Variants in CHRD observed in about 807,000 individuals in gnomAD.
CHRD encodes chordin.
In CHRD, 69 loss-of-function variants were observed where a neutral mutation model predicts 113.7. The observed-to-expected ratio is 0.61, with a 90% CI of 0.50 to 0.74. The LOEUF is 0.74. Ranked by LOEUF, CHRD falls within the 30% of genes least tolerant of loss-of-function variation. The pLI is 0.00. For missense variants in CHRD, 1,194 were observed against 1,295.8 expected, an observed-to-expected ratio of 0.92 and a Z score of 1.21; for synonymous variants, 561 against 540.8, an observed-to-expected ratio of 1.04 and a Z score of -0.52.
chr3:184,383,382 C>A, exon 11 of CHRD: 1 of 1,614,026 alleles, frequency 6.2e-7, no homozygotes, highest in South Asian at 1.1e-5. Flanking sequence ...GCTCAGCCAG[C>A]CTCACGCTGC....
rs1716479644 is a variant in CHRD at position 184,387,275 on chromosome 3, G to A, written c.2348-99G>A. On this transcript the variant is annotated intron_variant, in intron 18 of 22. Coordinates refer to ENST00000204604, the Ensembl canonical transcript of CHRD. This position sits in a 1 kb window ranked among gnomAD's most constrained non-coding sequence, Gnocchi z 6.1. ...GTTACTGGCCCCCAGGTGGGCCCTTGGCTTAGGCTCGTGTGGGGGTGGCCT... is the reference window on the plus strand; with the variant it reads ...GTTACTGGCCCCCAGGTGGGCCCTTAGCTTAGGCTCGTGTGGGGGTGGCCT... 1 of 1,430,514 alleles carries A rather than the reference G, an allele frequency of 7.0e-7. No homozygotes were observed. The highest frequency in any genetic ancestry group is 1.4e-5 in the African/African-American group (1 of 70,712). 88.6% of individuals were successfully genotyped at this position (1,430,514 alleles called of 1,614,324 possible).
chr3:184,387,440 C>T lies in CHRD; in HGVS notation c.2414C>T (p.Pro805Leu), dbSNP rs1716508226. 1 of 1,612,684 alleles carries T rather than the reference C, an allele frequency of 6.2e-7. No individual in the cohort carries two copies. Among genetic ancestry groups the T allele is most frequent in the Non-Finnish European group, 8.5e-7 (1 of 1,179,546 alleles). Reference sequence around the variant, plus strand: ...ACGCGGTGGCACCCCGTTGTGCCCCCCTTTGGCTTAATTAAGTGTGCTGTC... The same window carrying T: ...ACGCGGTGGCACCCCGTTGTGCCCCTCTTTGGCTTAATTAAGTGTGCTGTC... Residue 805 changes from proline (P) to leucine (L), a missense_variant, in exon 19 of 23, where the codon CCC becomes CTC. Coordinates refer to ENST00000204604, the Ensembl canonical transcript of CHRD. The surrounding 1 kb of genome is among the most constrained non-coding windows in gnomAD (Gnocchi z 6.1).
chr3:184,386,693 C>A, exon 16 of CHRD: 3 of 1,612,476 alleles, frequency 1.9e-6, no homozygotes, highest in Non-Finnish European at 2.5e-6. Context: ...GGGGCAGCAG[C>A]GCCCCCACGG....
At position 184,385,987 on chromosome 3, in the gene CHRD, G is replaced by C. The variant is rs1236095883; in HGVS notation, c.1819-59G>C. On this transcript the variant is annotated intron_variant, in intron 14 of 22. Transcript: ENST00000204604. ...CTCAGTTTCTTCATCTGTGAACTGG[G>C]GACAGTAGGCTCAGCCCTAAAGTGC... The C allele has an allele frequency of 9.1e-6, 14 of 1,545,210 alleles. No individual in the cohort carries two copies. In the South Asian group the frequency reaches 1.5e-4, roughly 16 times the overall value.
chr3:184,386,482 C>A lies in CHRD; in HGVS notation c.1933-10C>A. The A allele has an allele frequency of 6.5e-7, 1 of 1,537,592 alleles. No homozygotes were observed. The highest frequency in any genetic ancestry group is 8.7e-7 in the Non-Finnish European group (1 of 1,145,664). Reference sequence around the variant, plus strand: ...GCCCCAGCGCTGCCTCAGTTGGCCTCTCCTCCCAGGTGCACATAGCCAACC... The same window carrying A: ...GCCCCAGCGCTGCCTCAGTTGGCCTATCCTCCCAGGTGCACATAGCCAACC... On this transcript the variant is annotated splice_polypyrimidine_tract_variant and intron_variant, in intron 15 of 22. Transcript: ENST00000204604.
rs745397410 is a variant in CHRD at position 184,384,685 on chromosome 3, G to T, written c.1589G>T (p.Arg530Leu). The T allele has an allele frequency of 3.8e-6, 6 of 1,562,430 alleles. No individual in the cohort carries two copies. Among genetic ancestry groups the T allele is most frequent in the Non-Finnish European group, 5.2e-6 (6 of 1,155,696 alleles). The change falls in exon 13 of 23, where the codon CGC becomes CTC. Residue 530 changes from arginine (R) to leucine (L), a missense_variant. Physicochemically the swap from Arg to Leu is moderately radical, Grantham distance 102. Coordinates refer to ENST00000204604, the Ensembl canonical transcript of CHRD. The surrounding 1 kb of genome is among the most constrained non-coding windows in gnomAD (Gnocchi z 4.4). Reference sequence around the variant, plus strand: ...CTGCCCTACTGTGGGCATAGCGCCCGCCATGACAGTGAGTGTCCTTAGGGG... The same window carrying T: ...CTGCCCTACTGTGGGCATAGCGCCCTCCATGACAGTGAGTGTCCTTAGGGG...
exon 12 of CHRD, chr3:184,383,561 G>C (rs753299715): frequency 5.0e-6 from 8 of 1,614,010 alleles, no homozygotes; most frequent in Non-Finnish European, 6.8e-6. Context: ...TGGTGGCCAT[G>C]ACACTGGAGA....
chr3:184,383,756 C>T, intron 12 of CHRD, 114 bp downstream of exon 12: 1 of 719,522 alleles, frequency 1.4e-6, no homozygotes, highest in South Asian at 2.2e-5. Flanking sequence ...TTCTCCCACT[C>T]ATTCATTTAT....
At position 184,380,296 on chromosome 3, in the gene CHRD, TC is replaced by T; in HGVS notation, c.-19del. On this transcript the variant is annotated 5_prime_UTR_variant, in exon 1 of 23. Transcript: ENST00000204604. This position sits in a 1 kb window ranked among gnomAD's most constrained non-coding sequence, Gnocchi z 6.3. ...CTCCCGCGCCCTCCTCCCTCCCTCC[TC>T]CCCAGCTGTCCCGTTCGCGTCATGC... The T allele has an allele frequency of 9.7e-7, 1 of 1,026,148 alleles. No homozygotes were observed. The highest frequency in any genetic ancestry group is 1.2e-6 in the Non-Finnish European group (1 of 828,902). The allele number at this position is 1,026,148 out of a possible 1,614,324, so 63.6% of individuals were successfully genotyped here. A position where few individuals can be genotyped will look rare whatever the true frequency, so the allele number is the denominator to read the frequency against.
rs1380179072 is a variant in CHRD at position 184,381,905 on chromosome 3, C to T, written c.612-28C>T. ...TGGGAGGGGCTGCTTTTGGCTCAGTCCGGCCTCACCCGACCTCTCATTCCC... is the reference window on the plus strand; with the variant it reads ...TGGGAGGGGCTGCTTTTGGCTCAGTTCGGCCTCACCCGACCTCTCATTCCC... On this transcript the variant is annotated intron_variant, in intron 5 of 22. Transcript: ENST00000204604. The surrounding 1 kb of genome is among the most constrained non-coding windows in gnomAD (Gnocchi z 4.7). 1.2e-6 allele frequency: 2 copies of T among 1,613,510 alleles called. No homozygotes were observed. The highest frequency in any genetic ancestry group is 1.3e-5 in the African/African-American group (1 of 74,934).
Position 184,380,714 on chromosome 3 carries a change from C to T in CHRD, c.171C>T (p.Val57=), listed in dbSNP as rs1471090920. ...CAGGCTGCACCTTCGGCGGGAAGGT[C>T]TATGCCTTGGACGAGACGTGGCACC... is the stretch of plus-strand genomic sequence containing the variant. The change falls in exon 2 of 23, where the codon GTC becomes GTT. Residue 57 remains valine (V), a synonymous_variant. Transcript: ENST00000204604. This position sits in a 1 kb window ranked among gnomAD's most constrained non-coding sequence, Gnocchi z 6.3. The T allele has an allele frequency of 4.4e-6, 7 of 1,596,972 alleles. No homozygotes were observed. Among genetic ancestry groups the T allele is most frequent in the East Asian group, 4.6e-5 (2 of 43,956 alleles).
Position 184,388,790 on chromosome 3 carries a change from C to G in CHRD, c.2709+49C>G. 1 of 1,609,808 alleles carries G rather than the reference C, an allele frequency of 6.2e-7. No homozygotes were observed. The highest frequency in any genetic ancestry group is 8.5e-7 in the Non-Finnish European group (1 of 1,177,258). ...GTGAGGTGGGTACTGGGAGCCTGGT[C>G]TGGAGTAGGGAGACCTTCCCAGGGA... On this transcript the variant is annotated intron_variant, in intron 21 of 22. Transcript: ENST00000204604. This position sits in a 1 kb window ranked among gnomAD's most constrained non-coding sequence, Gnocchi z 6.1.
intron 8 of CHRD, 35 bp downstream of exon 8, chr3:184,382,809 T>C: frequency 6.2e-7 from 1 of 1,612,962 alleles, no homozygotes; most frequent in Non-Finnish European, 8.5e-7. Context: ...GTGAGAAGGT[T>C]AGGGAGAGCA....
Position 184,382,190 on chromosome 3 carries a change from G to A in CHRD, c.699+170G>A, listed in dbSNP as rs1015246245. ...GAGGCTCAGTAGGATAATGTGATTT[G>A]TTCAAGGTCACACAGCTAGTAAGTG... On this transcript the variant is annotated intron_variant, in intron 6 of 22. Transcript: ENST00000204604. 1.3e-5 allele frequency: 16 copies of A among 1,215,838 alleles called. No homozygotes were observed. The African/African-American group carries it at 2.1e-4, about 16-fold the overall frequency. 75.3% of individuals were successfully genotyped at this position (1,215,838 alleles called of 1,614,324 possible).
chr3:184,380,826 T>G lies in CHRD; in HGVS notation c.252+31T>G. 1.3e-6 allele frequency: 2 copies of G among 1,516,858 alleles called. No individual in the cohort carries two copies. The highest frequency in any genetic ancestry group is 1.8e-6 in the Non-Finnish European group (2 of 1,132,576). 94.0% of individuals were successfully genotyped at this position (1,516,858 alleles called of 1,614,324 possible). ...TGCACCCCGCGGCCGGCCCGGGCCC[T>G]GGCGGGTGGGGAGCGCCGGGTCGCG... is the stretch of plus-strand genomic sequence containing the variant. On this transcript the variant is annotated intron_variant, in intron 2 of 22. Coordinates refer to ENST00000204604, the Ensembl canonical transcript of CHRD. This position sits in a 1 kb window ranked among gnomAD's most constrained non-coding sequence, Gnocchi z 6.3.
Position 184,381,253 on chromosome 3 carries a change from A to G in CHRD, c.271A>G (p.Thr91Ala). 1 of 1,613,318 alleles carries G rather than the reference A, an allele frequency of 6.2e-7. No individual in the cohort carries two copies. ...GGAGCAGCCTCAGTGGGGTCGCCGTACCAGGGGCCCTGGCAGGGTCAGCTG... is the reference window on the plus strand; with the variant it reads ...GGAGCAGCCTCAGTGGGGTCGCCGTGCCAGGGGCCCTGGCAGGGTCAGCTG... Residue 91 changes from threonine to alanine, a missense_variant, in exon 3 of 23, where the codon ACC becomes GCC. By Grantham distance (58) the Thr-to-Ala change is moderately conservative. Transcript: ENST00000204604. This position sits in a 1 kb window ranked among gnomAD's most constrained non-coding sequence, Gnocchi z 4.7.
chr3:184,382,642 A>G (rs547793649), exon 8 of CHRD: 1 of 1,613,034 alleles, frequency 6.2e-7, no homozygotes, highest in South Asian at 1.1e-5. Flanking sequence ...AGAGACCTTC[A>G]GTGCCATCCT....
Position 184,381,519 on chromosome 3 carries a change from C to T in CHRD, c.406C>T (p.Pro136Ser), listed in dbSNP as rs1402148027. Residue 136 changes from proline (P) to serine (S), a missense_variant, in exon 4 of 23, where the codon CCG (proline) becomes TCG (serine). By Grantham distance (74) the Pro-to-Ser change is moderately conservative (BLOSUM62 -1). Coordinates refer to ENST00000204604, the Ensembl canonical transcript of CHRD. This position sits in a 1 kb window ranked among gnomAD's most constrained non-coding sequence, Gnocchi z 4.7. Reference sequence around the variant, plus strand: ...AGAGCGCAGCAGTTCGGAGCGGCAGCCGAGCGGCCTGTCCTTCGAGTATCC... The same window carrying T: ...AGAGCGCAGCAGTTCGGAGCGGCAGTCGAGCGGCCTGTCCTTCGAGTATCC... 6.2e-7 allele frequency: 1 copy of T among 1,600,260 alleles called. No homozygotes were observed.
chr3:184,380,682 G>A lies in CHRD; in HGVS notation c.149-10G>A. ...TGGGCAGCGGCCTCCAGCCAAGCCC[G>A]TCCCCGCAGGCTGCACCTTCGGCGG... On this transcript the variant is annotated splice_polypyrimidine_tract_variant and intron_variant, in intron 1 of 22. Transcript: ENST00000204604. The surrounding 1 kb of genome is among the most constrained non-coding windows in gnomAD (Gnocchi z 6.3). The A allele has an allele frequency of 1.3e-6, 2 of 1,573,384 alleles. No homozygotes were observed. Among genetic ancestry groups the A allele is most frequent in the Non-Finnish European group, 1.7e-6 (2 of 1,167,430 alleles).
Sources: gnomAD v4.1 joint callset for allele counts on GRCh38, gnomAD v4.1.1 for gene constraint, Gnocchi (gnomAD v3.1) non-coding constraint, MANE v1.5 for transcripts, NCBI Gene and HGNC (gene_info 2026-07-23, HGNC 2026-07-21) for gene names.